Variants in EYS observed in about 807,000 individuals in gnomAD.
EYS encodes protein eyes shut homolog.
Under a neutral mutation model 282.1 loss-of-function variants are expected in EYS, and 250 were observed. The ratio of observed to expected loss-of-function variants is 0.89; its 90% CI spans 0.80 to 0.98. EYS has a LOEUF of 0.98. Ranked by LOEUF, EYS falls within the 50% of genes least tolerant of loss-of-function variation. EYS has a pLI of 0.00. For missense variants in EYS, 4,016 were observed against 3,709.0 expected (o/e 1.08, Z -2.15); for synonymous variants, 1,355 against 1,282.9 (o/e 1.06, Z -1.20).
intron 1 of EYS, among the ~76,000 whole-genome samples, chr6:65,683,536 T>C (rs1183359995): frequency 6.6e-6 from 1 of 152,056 alleles, no homozygotes; most frequent in Non-Finnish European, 1.5e-5. Flanking sequence ...AGATCCACAA[T>C]CTGTCTTTCA....
At chr6:64,751,730 G>T (rs190507818) in intron 22 of EYS, among the ~76,000 whole-genome samples, 12 of 152,306 alleles carry the variant, frequency 7.9e-5, no homozygotes, top group Admixed American at 7.8e-4. Context: ...TAGAAAATCT[G>T]CTGACAAGAG....
At chr6:64,916,280 T>C (rs1014736205) in intron 15 of EYS, among the ~76,000 whole-genome samples, 3 of 152,204 alleles carry the variant, frequency 2.0e-5, no homozygotes, top group African/African-American at 7.2e-5. Context: ...CTTGCCTATT[T>C]GGCATATGTG....
At chr6:64,359,791 A>G (rs611618) in intron 29 of EYS, among the ~76,000 whole-genome samples, 103,913 of 151,424 alleles carry the variant, frequency 0.69, 35,690 homozygotes, top group South Asian at 0.71. Flanking sequence ...CCCCATCCTT[A>G]TCACCTCACT....
intron 1 of EYS, among the ~76,000 whole-genome samples, chr6:65,675,759 T>TACATAGA (rs1768566190): frequency 6.6e-6 from 1 of 151,868 alleles, no homozygotes; most frequent in Non-Finnish European, 1.5e-5. Flanking sequence ...ACCCAACTGA[T>TACATAGA]ACATAGAATC....
chr6:63,987,638 G>C (rs1767428344), intron 34 of EYS, among the ~76,000 whole-genome samples: 1 of 151,600 alleles, frequency 6.6e-6, no homozygotes, highest in African/African-American at 2.4e-5. Context: ...ATTTGTGTGG[G>C]TAACATCTCT....
intron 22 of EYS, among the ~76,000 whole-genome samples, chr6:64,799,047 C>T (rs886429030): frequency 1.3e-5 from 2 of 151,798 alleles, no homozygotes; most frequent in Non-Finnish European, 2.9e-5. Flanking sequence ...CAAATTTGAC[C>T]ATTTAACTCC....
intron 29 of EYS, among the ~76,000 whole-genome samples, chr6:64,372,131 T>G (rs1037588351): frequency 3.1e-4 from 4 of 12,968 alleles, no homozygotes; most frequent in Non-Finnish European, 5.8e-4. Context: ...TATACTTGTG[T>G]TTTTTTTTTT....
chr6:65,460,286 C>A (rs1288954037), intron 5 of EYS, among the ~76,000 whole-genome samples: 1 of 151,142 alleles, frequency 6.6e-6, no homozygotes, highest in Admixed American at 6.6e-5. Flanking sequence ...GCAAAAATTT[C>A]TATTATATAT....
At chr6:64,771,230 C>G (rs571393516) in intron 22 of EYS, among the ~76,000 whole-genome samples, 1 of 151,710 alleles carries the variant, frequency 6.6e-6, no homozygotes, top group South Asian at 2.1e-4. Context: ...GTATCTATAG[C>G]TAGATCCCCT....
intron 31 of EYS, among the ~76,000 whole-genome samples, chr6:64,192,827 G>A (rs62415311): frequency 0.038 from 5,720 of 152,200 alleles, 169 homozygotes; most frequent in Non-Finnish European, 0.054. Context: ...GTACAAGTTT[G>A]CTTTTTCCCA....
chr6:63,812,047 C>T (rs1771060793), intron 36 of EYS, among the ~76,000 whole-genome samples: 2 of 152,120 alleles, frequency 1.3e-5, no homozygotes, highest in Non-Finnish European at 2.9e-5. Context: ...ATCTCTTTTC[C>T]GTATTGTAGC....
intron 22 of EYS, among the ~76,000 whole-genome samples, chr6:64,739,605 T>C (rs1257423957): frequency 5.3e-5 from 8 of 152,196 alleles, no homozygotes; most frequent in Non-Finnish European, 1.0e-4. Context: ...GTTGTACCTA[T>C]TGTTCTTTGC....
At chr6:64,851,006 C>G (rs1018717515) in intron 19 of EYS, among the ~76,000 whole-genome samples, 1 of 152,072 alleles carries the variant, frequency 6.6e-6, no homozygotes, top group African/African-American at 2.4e-5. Context: ...CAAAGCCCAG[C>G]AGTTTAAACT....
At chr6:64,772,821 C>T (rs928246414) in intron 22 of EYS, among the ~76,000 whole-genome samples, 7 of 151,648 alleles carry the variant, frequency 4.6e-5, no homozygotes, top group Non-Finnish European at 8.9e-5. Flanking sequence ...GTTTCATCCA[C>T]GTTGTTGCAA....
chr6:64,006,411 G>T (rs113253005), intron 33 of EYS, among the ~76,000 whole-genome samples: 1 of 152,040 alleles, frequency 6.6e-6, no homozygotes, highest in East Asian at 1.9e-4. Context: ...TGTGTTCTAG[G>T]TATAGAATCA....
chr6:65,415,930 A>C (rs1426066954), intron 5 of EYS, among the ~76,000 whole-genome samples: 1 of 152,060 alleles, frequency 6.6e-6, no homozygotes, highest in East Asian at 1.9e-4. Context: ...TGTATATTTT[A>C]CTGCAAACAA....
intron 30 of EYS, among the ~76,000 whole-genome samples, chr6:64,284,919 A>AT (rs1232261474): frequency 1.3e-5 from 2 of 151,656 alleles, no homozygotes; most frequent in African/African-American, 4.8e-5. Context: ...CCACAAAACC[A>AT]TTTTTTCCTA....
chr6:64,634,430 T>A (rs1167947713), intron 22 of EYS, among the ~76,000 whole-genome samples: 1 of 152,084 alleles, frequency 6.6e-6, no homozygotes, highest in African/African-American at 2.4e-5. Flanking sequence ...AAGCAATTAT[T>A]CACTGATTCT....
intron 1 of EYS, among the ~76,000 whole-genome samples, chr6:65,674,850 A>G (rs1304567322): frequency 6.6e-6 from 1 of 152,052 alleles, no homozygotes; most frequent in East Asian, 1.9e-4. Context: ...CAATACTATA[A>G]TGGTAGCATA....
Sources: gnomAD v4.1 joint callset for allele counts (sites outside exome capture counted in the v4.1 genomes callset) on GRCh38, gnomAD v4.1.1 for gene constraint, MANE v1.5 for transcripts, NCBI Gene and HGNC (gene_info 2026-07-23, HGNC 2026-07-21) for gene names.